Variants in SLC60A1 observed in about 807,000 individuals in gnomAD.
SLC60A1 encodes major facilitator superfamily domain containing 4.
chr1:205,574,314 G>A, the SLC60A1 span, among the ~76,000 whole-genome samples: 9 of 151,834 alleles, frequency 5.9e-5, no homozygotes, highest in Non-Finnish European at 1.0e-4. Flanking sequence ...GCATGGTGGT[G>A]CACACCTATA....
At chr1:205,588,908 A>G in the SLC60A1 span, among the ~76,000 whole-genome samples, 9 of 152,070 alleles carry the variant, frequency 5.9e-5, no homozygotes, top group Admixed American at 1.3e-4. Flanking sequence ...ATGGAGGGTG[A>G]GGGTGTAGGC....
At chr1:205,588,735 C>A in the SLC60A1 span, among the ~76,000 whole-genome samples, 1 of 152,198 alleles carries the variant, frequency 6.6e-6, no homozygotes, top group Admixed American at 6.5e-5. Context: ...CCACCCTGTT[C>A]TCAGCATTCT....
chr1:205,592,460 G>A, the SLC60A1 span, among the ~76,000 whole-genome samples: 1 of 151,554 alleles, frequency 6.6e-6, no homozygotes, highest in Admixed American at 6.6e-5. Flanking sequence ...GTATACATGT[G>A]CCATGTTGGT....
the SLC60A1 span, chr1:205,592,383 T>TA: frequency 0.012 from 14,519 of 1,183,560 alleles, 59 homozygotes; most frequent in African/African-American, 0.035. Context: ...TTTTTTTTTT[T>TA]AATTTTATTA....
the SLC60A1 span, among the ~76,000 whole-genome samples, chr1:205,569,489 T>TCCCTCCCC: frequency 2.1e-4 from 14 of 65,700 alleles, no homozygotes; most frequent in African/African-American, 7.0e-4. Flanking sequence ...CCTCCCTCCC[T>TCCCTCCCC]CCCTCCCCCG....
the SLC60A1 span, among the ~76,000 whole-genome samples, chr1:205,591,474 CCT>C: frequency 3.1e-5 from 4 of 128,484 alleles, no homozygotes; most frequent in Admixed American, 1.6e-4. Context: ...AGAGTGAGAC[CCT>C]GTCTCTCAAA....
At chr1:205,585,954 G>A in the SLC60A1 span, 1 of 1,467,738 alleles carries the variant, frequency 6.8e-7, no homozygotes, top group Non-Finnish European at 9.1e-7. The surrounding 1 kb of genome is among the most constrained non-coding windows in gnomAD (Gnocchi z 4.2). Context: ...CCCCACACCT[G>A]CCCAGCCTGG....
At chr1:205,599,639 T>A in the SLC60A1 span, among the ~76,000 whole-genome samples, 4 of 152,214 alleles carry the variant, frequency 2.6e-5, no homozygotes, top group Non-Finnish European at 4.4e-5. Flanking sequence ...ACGGCCTAAT[T>A]GGCCATCTCT....
the SLC60A1 span, among the ~76,000 whole-genome samples, chr1:205,592,632 G>A: frequency 1.3e-5 from 2 of 152,040 alleles, no homozygotes; most frequent in Non-Finnish European, 1.5e-5. Context: ...GCTCCCTGGA[G>A]AAATGAACAC....
the SLC60A1 span, chr1:205,599,261 G>GT: frequency 6.2e-7 from 1 of 1,613,618 alleles, no homozygotes; most frequent in South Asian, 1.1e-5. Flanking sequence ...GGTAAGGAAA[G>GT]TATCTGTTTC....
At chr1:205,601,558 C>T in the SLC60A1 span, 3 of 152,080 alleles carry the variant, frequency 2.0e-5, no homozygotes, top group African/African-American at 7.2e-5. Flanking sequence ...TCTGAAAATA[C>T]CTAATGAAAA....
At chr1:205,596,868 A>G in the SLC60A1 span, among the ~76,000 whole-genome samples, 3 of 152,180 alleles carry the variant, frequency 2.0e-5, no homozygotes, top group Middle Eastern at 3.2e-3. Context: ...AGTTACCCAC[A>G]CGGTAAGTCT....
At chr1:205,580,546 G>A in the SLC60A1 span, 11 of 1,356,682 alleles carry the variant, frequency 8.1e-6, no homozygotes, top group Non-Finnish European at 1.1e-5. The surrounding 1 kb of genome is among the most constrained non-coding windows in gnomAD (Gnocchi z 5.0). Context: ...GGGGCAGAGG[G>A]TGGGGCTGGG....
chr1:205,598,599 A>G, the SLC60A1 span: 5 of 154,404 alleles, frequency 3.2e-5, no homozygotes, highest in Non-Finnish European at 5.8e-5. Flanking sequence ...GCATCTCACC[A>G]TACCCTCCTC....
the SLC60A1 span, chr1:205,597,990 G>A: frequency 2.6e-5 from 21 of 812,532 alleles, no homozygotes; most frequent in Non-Finnish European, 3.8e-5. Flanking sequence ...CCCCTGTGCC[G>A]TTGTTACCTG....
At chr1:205,582,392 C>A in the SLC60A1 span, among the ~76,000 whole-genome samples, 1 of 152,242 alleles carries the variant, frequency 6.6e-6, no homozygotes, top group African/African-American at 2.4e-5. Context: ...TGTGCATGTA[C>A]TCATGTGGGT....
At chr1:205,597,977 G>A in the SLC60A1 span, 2 of 972,232 alleles carry the variant, frequency 2.1e-6, no homozygotes, top group Non-Finnish European at 3.2e-6. Context: ...AAGCCAGCAG[G>A]GCCCCCTGTG....
the SLC60A1 span, among the ~76,000 whole-genome samples, chr1:205,595,546 T>C: frequency 3.3e-5 from 5 of 151,554 alleles, no homozygotes. Context: ...AACATGACCC[T>C]ACCAAGGGAC....
At chr1:205,587,717 G>A in the SLC60A1 span, among the ~76,000 whole-genome samples, 2 of 152,114 alleles carry the variant, frequency 1.3e-5, no homozygotes, top group African/African-American at 4.8e-5. Context: ...GTGGGATGGA[G>A]AGCGGGAGTG....
Sources: allele counts gnomAD v4.1 joint callset (sites outside exome capture counted in the v4.1 genomes callset), GRCh38; gene constraint gnomAD v4.1.1; non-coding constraint Gnocchi (gnomAD v3.1); transcripts MANE v1.5; gene names NCBI Gene and HGNC (gene_info 2026-07-23, HGNC 2026-07-21).